The following MIAT variants were observed in gnomAD, a reference collection of about 807,000 sequenced individuals.
MIAT encodes myocardial infarction associated transcript, also known as MI related novel mRNA.
chr22:26,675,386 G>T (rs1452532503), exon 5 of MIAT: 1 of 398,586 alleles, frequency 2.5e-6, no homozygotes, highest in Non-Finnish European at 4.4e-6. Flanking sequence ...AGGCCTTGGG[G>T]AGCGACGGAT....
chr22:26,673,593 T>C (rs1931145887), downstream of MIAT: 2 of 398,686 alleles, frequency 5.0e-6, no homozygotes. Context: ...CTAACATTCC[T>C]CGTTACTGTT....
intron 2 of MIAT, among the ~76,000 whole-genome samples, chr22:26,659,747 A>G (rs1469835669): frequency 1.3e-5 from 2 of 151,698 alleles, no homozygotes; most frequent in African/African-American, 4.8e-5. Context: ...CAATAAGTTT[A>G]ATAAAATGCA....
intron 2 of MIAT, among the ~76,000 whole-genome samples, chr22:26,654,225 A>C (rs1433678461): frequency 1.3e-5 from 2 of 152,182 alleles, no homozygotes; most frequent in African/African-American, 4.8e-5. Flanking sequence ...TGAGCAGCCA[A>C]ACCTAAGTTT....
exon 6 of MIAT, chr22:26,668,839 G>A (rs764875912): frequency 2.5e-6 from 1 of 398,790 alleles, no homozygotes; most frequent in Non-Finnish European, 4.4e-6. Flanking sequence ...CCTTCCCCCT[G>A]TGCTGTTGAA....
intron 5 of MIAT, chr22:26,667,726 T>C: frequency 5.8e-6 from 1 of 171,250 alleles, no homozygotes; most frequent in Non-Finnish European, 1.2e-5. Context: ...TTGCCCAGGC[T>C]AGAGTACAGT....
intron 5 of MIAT, chr22:26,668,113 G>C (rs1930917656): frequency 7.5e-6 from 3 of 398,474 alleles, no homozygotes; most frequent in Non-Finnish European, 1.3e-5. Flanking sequence ...GGAAGTTGGG[G>C]ATGGAGGCTG....
intron 2 of MIAT, among the ~76,000 whole-genome samples, chr22:26,658,814 G>T (rs1930553408): frequency 6.6e-6 from 1 of 152,190 alleles, no homozygotes; most frequent in East Asian, 1.9e-4. Flanking sequence ...GACTGCGAGA[G>T]AACTTGAGGG....
chr22:26,672,361 A>G, downstream of MIAT: 3 of 399,218 alleles, frequency 7.5e-6, no homozygotes, highest in Non-Finnish European at 1.3e-5. Context: ...ATCAGAGTCC[A>G]CTGGGCCAGG....
chr22:26,670,952 G>T (rs956020163), downstream of MIAT: 3 of 397,802 alleles, frequency 7.5e-6, no homozygotes, highest in African/African-American at 6.2e-5. Flanking sequence ...AGCCAGGCCA[G>T]CTTGATGCGT....
intron 3 of MIAT, chr22:26,665,397 G>A (rs1930811094): frequency 2.5e-6 from 1 of 398,274 alleles, no homozygotes. Flanking sequence ...TACCCTCTAA[G>A]ACGGTGTCAG....
chr22:26,667,970 C>T (rs1930913692), intron 5 of MIAT: 4 of 387,550 alleles, frequency 1.0e-5, no homozygotes, highest in Non-Finnish European at 1.8e-5. Flanking sequence ...TGTGCCTGGC[C>T]TAAGTTTCTT....
In MIAT at chr22:26,650,956, C is replaced by T. The variant is rs140644453; in HGVS notation, n.646+3645C>T. 1.0e-3 allele frequency among the ~76,000 whole-genome samples: 155 copies of T among 152,096 alleles called. 3 individuals carry two copies. The highest frequency in any genetic ancestry group is 3.4e-3 in the Middle Eastern group (1 of 294). ...TTTCCTTACCAGTTGGAGATGACACCGATACTTCCTTAGAGGGTGCTAAGA... is the reference window on the plus strand; with the variant it reads ...TTTCCTTACCAGTTGGAGATGACACTGATACTTCCTTAGAGGGTGCTAAGA... On this transcript the variant is annotated intron_variant and non_coding_transcript_variant, in intron 2 of 5. Transcript: ENST00000643270.
intron 2 of MIAT, among the ~76,000 whole-genome samples, chr22:26,647,642 G>C (rs190751425): frequency 6.6e-6 from 1 of 152,124 alleles, no homozygotes; most frequent in South Asian, 2.1e-4. Flanking sequence ...GCAGGGTAAG[G>C]CTGCAAGGGA....
chr22:26,669,915 CTG>C, downstream of MIAT: 1 of 398,732 alleles, frequency 2.5e-6, no homozygotes, highest in East Asian at 3.6e-5. Context: ...CTCCGATGCT[CTG>C]TGAAATGGAA....
chr22:26,673,401 C>T (rs1300252836), downstream of MIAT: 1 of 399,008 alleles, frequency 2.5e-6, no homozygotes, highest in African/African-American at 2.1e-5. Context: ...CTCACCCTGA[C>T]TGCCCCAGGG....
chr22:26,667,153 G>A (rs1930873958), intron 4 of MIAT: 5 of 398,464 alleles, frequency 1.3e-5, no homozygotes, highest in South Asian at 1.3e-4. Context: ...GGGTGAGCTC[G>A]AGCAGAGAAT....
chr22:26,673,442 C>T, downstream of MIAT: 2 of 398,880 alleles, frequency 5.0e-6, no homozygotes, highest in Non-Finnish European at 8.8e-6. Flanking sequence ...CTGGCCCTGT[C>T]TGGGGGTTCC....
intron 3 of MIAT, among the ~76,000 whole-genome samples, chr22:26,664,476 C>T (rs1930776456): frequency 6.6e-6 from 1 of 152,190 alleles, no homozygotes; most frequent in Non-Finnish European, 1.5e-5. Context: ...TCGGTTACCC[C>T]AGTAAGATCT....
At chr22:26,661,957 T>TAC (rs1274312729) in intron 2 of MIAT, among the ~76,000 whole-genome samples, 4 of 56,184 alleles carry the variant, frequency 7.1e-5, no homozygotes, top group Middle Eastern at 9.3e-3. Context: ...TATATATATA[T>TAC]ATATACACAC....
Sources: allele counts gnomAD v4.1 joint callset (sites outside exome capture counted in the v4.1 genomes callset), GRCh38; gene constraint gnomAD v4.1.1; transcripts MANE v1.5; gene names NCBI Gene and HGNC (gene_info 2026-07-23, HGNC 2026-07-21).